RUNX1: variants seen among roughly 807,000 people sequenced by gnomAD.
RUNX1 encodes the protein RUNX family transcription factor 1, also known as runt-related transcription factor 1.
In RUNX1, 19 loss-of-function variants were observed where a neutral mutation model predicts 42.8. The ratio of observed to expected loss-of-function variants is 0.44; its 90% CI spans 0.31 to 0.65. The LOEUF is 0.65. Among genes scored for constraint, RUNX1 ranks in the 30% least tolerant of loss-of-function variants. The pLI is 0.07. For synonymous variants in RUNX1, 271 were observed against 289.4 expected (o/e 0.94, Z 0.64); for missense variants, 528 against 672.0 (o/e 0.79, Z 2.37).
At chr21:34,989,991 G>A (rs1242016502) in intron 2 of RUNX1, among the ~76,000 whole-genome samples, 13 of 152,238 alleles carry the variant, frequency 8.5e-5, no homozygotes, top group African/African-American at 7.2e-5. Flanking sequence ...AGGATGAAAC[G>A]GATGCACAGT....
intron 6 of RUNX1, among the ~76,000 whole-genome samples, chr21:34,847,338 T>C (rs1247631437): frequency 3.3e-5 from 5 of 152,184 alleles, no homozygotes; most frequent in Non-Finnish European, 7.4e-5. Flanking sequence ...CAGTGGGGTC[T>C]GATTTAAATG....
At chr21:34,965,851 G>A (rs572804424) in intron 2 of RUNX1, among the ~76,000 whole-genome samples, 2 of 152,334 alleles carry the variant, frequency 1.3e-5, no homozygotes, top group African/African-American at 4.8e-5. Context: ...GAGCTGCAAA[G>A]AGAAGCTGAG....
intron 2 of RUNX1, among the ~76,000 whole-genome samples, chr21:34,930,270 G>GTGTGTGTGTGTA (rs372412304): frequency 5.7e-5 from 7 of 123,036 alleles, no homozygotes; most frequent in African/African-American, 2.6e-4. Context: ...GTGTGTGTAT[G>GTGTGTGTGTGTA]TATATATATA....
chr21:34,888,990 C>G (rs1370493151), intron 3 of RUNX1, among the ~76,000 whole-genome samples: 1 of 151,334 alleles, frequency 6.6e-6, no homozygotes. Flanking sequence ...CAGCCACACG[C>G]AGGCTTGTGC....
chr21:34,926,059 T>C (rs1035289783), intron 2 of RUNX1, among the ~76,000 whole-genome samples: 1 of 152,194 alleles, frequency 6.6e-6, no homozygotes, highest in Non-Finnish European at 1.5e-5. Context: ...AAGTTATCTC[T>C]AAATGGTAAT....
At chr21:34,871,669 T>C (rs2057739407) in intron 5 of RUNX1, among the ~76,000 whole-genome samples, 1 of 152,156 alleles carries the variant, frequency 6.6e-6, no homozygotes, top group African/African-American at 2.4e-5. Flanking sequence ...AACCCAGCCA[T>C]CTGTCTGCGG....
chr21:34,888,559 G>A (rs757460646), intron 3 of RUNX1: 147 of 1,063,568 alleles, frequency 1.4e-4, no homozygotes, highest in Non-Finnish European at 1.5e-4. Flanking sequence ...AGAAGCAGCA[G>A]AGGTTGACTT....
intron 5 of RUNX1, among the ~76,000 whole-genome samples, chr21:34,864,976 G>A (rs967004227): frequency 2.0e-5 from 3 of 152,056 alleles, no homozygotes; most frequent in African/African-American, 2.4e-5. Context: ...TCAAAACCTC[G>A]CTCTGCCACT....
intron 7 of RUNX1, among the ~76,000 whole-genome samples, chr21:34,827,392 A>G (rs2146033962): frequency 6.6e-6 from 1 of 152,360 alleles, no homozygotes; most frequent in South Asian, 2.1e-4. Context: ...GATTTGGAAA[A>G]TTCGCAGCCT....
At chr21:35,037,024 T>G (rs1489293962) in intron 2 of RUNX1, among the ~76,000 whole-genome samples, 1 of 152,112 alleles carries the variant, frequency 6.6e-6, no homozygotes, top group African/African-American at 2.4e-5. Context: ...GGGCAAGAGA[T>G]ATACCTGGGA....
chr21:34,827,481 T>A (rs537355733), intron 7 of RUNX1, among the ~76,000 whole-genome samples: 1 of 152,206 alleles, frequency 6.6e-6, no homozygotes, highest in Non-Finnish European at 1.5e-5. Context: ...AAGAGATTAG[T>A]ATGAATGCGA....
At chr21:34,969,337 A>C (rs1032729086) in intron 2 of RUNX1, among the ~76,000 whole-genome samples, 2 of 152,124 alleles carry the variant, frequency 1.3e-5, no homozygotes, top group Non-Finnish European at 2.9e-5. Context: ...TCTAGCCACA[A>C]ACCCATCTCT....
chr21:34,921,357 C>G (rs1223734841), intron 2 of RUNX1, among the ~76,000 whole-genome samples: 1 of 152,170 alleles, frequency 6.6e-6, no homozygotes, highest in African/African-American at 2.4e-5. Context: ...TATCATGTGA[C>G]TACTCTAGGA....
In RUNX1 at chr21:34,922,169, T is replaced by TG. The variant is rs994438527; in HGVS notation, c.59-29207dup. On this transcript the variant is annotated intron_variant, in intron 2 of 8. Transcript: ENST00000675419. ...CTAACAGAGGAGACAGGACTGTAAG[T>TG]GGGGGGCTCGAGGCTGGTGCTCTGT... Among the ~76,000 whole-genome samples, 24 of 151,966 alleles carry TG rather than the reference T, an allele frequency of 1.6e-4. 1 individual carries two copies. Among genetic ancestry groups the TG allele is most frequent in the Admixed American group, 1.4e-3 (21 of 15,262 alleles).
chr21:34,918,802 AG>A (rs1452483964), intron 2 of RUNX1, among the ~76,000 whole-genome samples: 2 of 152,128 alleles, frequency 1.3e-5, no homozygotes, highest in Admixed American at 6.5e-5. Flanking sequence ...GCTACTGGGG[AG>A]GCTGAGGCAG....
chr21:35,011,174 G>A (rs2059124020), intron 2 of RUNX1, among the ~76,000 whole-genome samples: 1 of 152,134 alleles, frequency 6.6e-6, no homozygotes, highest in Admixed American at 6.5e-5. Context: ...AGTTAACTGG[G>A]GATAAATGGT....
chr21:34,918,410 G>GAAATAGTC (rs1289118366), intron 2 of RUNX1, among the ~76,000 whole-genome samples: 1 of 152,186 alleles, frequency 6.6e-6, no homozygotes, highest in Non-Finnish European at 1.5e-5. Flanking sequence ...GGTACCCAGT[G>GAAATAGTC]AAATAGTCAT....
intron 7 of RUNX1, among the ~76,000 whole-genome samples, chr21:34,830,156 G>C (rs1012397598): frequency 2.0e-5 from 3 of 152,200 alleles, no homozygotes; most frequent in African/African-American, 7.2e-5. Context: ...AACACTCAAA[G>C]TGAGGCACGC....
chr21:34,942,569 T>C (rs1344908074), intron 2 of RUNX1, among the ~76,000 whole-genome samples: 2 of 152,216 alleles, frequency 1.3e-5, no homozygotes, highest in Non-Finnish European at 2.9e-5. Flanking sequence ...GTCTGATGAA[T>C]ACAAATGGCA....
Sources: allele counts gnomAD v4.1 joint callset (sites outside exome capture counted in the v4.1 genomes callset), GRCh38; gene constraint gnomAD v4.1.1; transcripts MANE v1.5; gene names NCBI Gene and HGNC (gene_info 2026-07-23, HGNC 2026-07-21).